Variants in IL1RAPL2 observed in about 807,000 individuals in gnomAD.
IL1RAPL2 encodes the protein X-linked interleukin-1 receptor accessory protein-like 2.
A neutral mutation model predicts 44.1 loss-of-function variants in IL1RAPL2; 3 were observed. The ratio of observed to expected loss-of-function variants is 0.07; its 90% CI spans 0.03 to 0.18. The LOEUF (loss-of-function observed/expected upper bound fraction) is 0.18. Among genes scored for constraint, IL1RAPL2 ranks in the 10% least tolerant of loss-of-function variants. The pLI is 1.00. For synonymous variants in IL1RAPL2, 181 were observed against 178.8 expected (o/e 1.01, Z -0.10); for missense variants, 391 against 496.4 (o/e 0.79, Z 2.02).
chrX:105,067,017 G>C (rs1723778189), intron 2 of IL1RAPL2, among the ~76,000 whole-genome samples: 1 of 111,723 alleles, frequency 9.0e-6, no homozygotes, highest in Non-Finnish European at 1.9e-5. Context: ...AATTTGGCAA[G>C]TTTATGTTTC....
intron 5 of IL1RAPL2, among the ~76,000 whole-genome samples, chrX:105,311,641 C>CACACAT (rs1336391727): frequency 9.8e-6 from 1 of 101,526 alleles, no homozygotes; most frequent in Admixed American, 1.1e-4. Flanking sequence ...CACACACACA[C>CACACAT]ATATATATAT....
At chrX:105,462,143 G>A (rs1280146409) in intron 5 of IL1RAPL2, among the ~76,000 whole-genome samples, 2 of 110,729 alleles carry the variant, frequency 1.8e-5, no homozygotes, top group Non-Finnish European at 3.8e-5. Flanking sequence ...TCTCATTACT[G>A]GGCTGCTTAG....
At chrX:105,626,665 G>A (rs1328873763) in intron 6 of IL1RAPL2, among the ~76,000 whole-genome samples, 1 of 111,541 alleles carries the variant, frequency 9.0e-6, no homozygotes, top group East Asian at 2.8e-4. Context: ...GATATATTGT[G>A]TAATGGTGAA....
At chrX:104,645,168 T>A (rs1020223810) in intron 1 of IL1RAPL2, among the ~76,000 whole-genome samples, 5 of 111,842 alleles carry the variant, frequency 4.5e-5, no homozygotes, top group Non-Finnish European at 9.4e-5. Context: ...CTTCGCTACC[T>A]TCTTATTTTG....
chrX:105,739,451 A>C (rs2038478204), intron 7 of IL1RAPL2, among the ~76,000 whole-genome samples: 1 of 101,027 alleles, frequency 9.9e-6, no homozygotes, highest in African/African-American at 3.6e-5. Flanking sequence ...GCACCCACTA[A>C]CTCGTCATCT....
intron 1 of IL1RAPL2, among the ~76,000 whole-genome samples, chrX:104,609,458 C>T (rs763180493): frequency 8.9e-6 from 1 of 111,932 alleles, no homozygotes; most frequent in East Asian, 2.8e-4. Flanking sequence ...CTAACTGGTT[C>T]CATTCTCCTC....
rs1247926538 is a variant in IL1RAPL2 at position 105,540,922 on chromosome X, T to TATATA, written c.772+56541_772+56545dup. Among the ~76,000 whole-genome samples the TATATA allele has an allele frequency of 1.1e-3, 116 of 101,593 alleles. 7 individuals carry two copies. The highest frequency in any genetic ancestry group is 3.9e-3 in the African/African-American group (106 of 26,855). 88.2% of individuals were successfully genotyped at this position (101,593 alleles called of 115,157 possible). ...TAATACATACATATATTATATATGA[T>TATATA]ATATAATATATACATATATTATATA... On this transcript the variant is annotated intron_variant, in intron 6 of 10. Coordinates refer to ENST00000372582, the MANE Select transcript of IL1RAPL2 (RefSeq NM_017416.2).
intron 6 of IL1RAPL2, among the ~76,000 whole-genome samples, chrX:105,535,662 G>A (rs908653813): frequency 1.8e-5 from 2 of 111,905 alleles, no homozygotes; most frequent in African/African-American, 6.5e-5. Context: ...ATAGGCACTA[G>A]ACTGAGTGAA....
chrX:105,472,031 G>A (rs970280742), intron 5 of IL1RAPL2, among the ~76,000 whole-genome samples: 1 of 109,988 alleles, frequency 9.1e-6, no homozygotes, highest in African/African-American at 3.3e-5. Flanking sequence ...GTCCAGACTA[G>A]GGAATAATGG....
At chrX:105,563,390 T>C (rs2036953280) in intron 6 of IL1RAPL2, among the ~76,000 whole-genome samples, 1 of 111,809 alleles carries the variant, frequency 8.9e-6, no homozygotes, top group Non-Finnish European at 1.9e-5. Context: ...CAGGGAGATA[T>C]GCACATTTTC....
At chrX:105,273,103 C>A (rs1383758303) in intron 5 of IL1RAPL2, among the ~76,000 whole-genome samples, 1 of 111,433 alleles carries the variant, frequency 9.0e-6, no homozygotes, top group Non-Finnish European at 1.9e-5. Flanking sequence ...TCTAAGCCAG[C>A]AACTCCATAA....
chrX:104,630,806 G>A (rs1929627219), intron 1 of IL1RAPL2, among the ~76,000 whole-genome samples: 1 of 105,949 alleles, frequency 9.4e-6, no homozygotes, highest in Admixed American at 1.0e-4. Flanking sequence ...TGTTTCATTT[G>A]TTTGTCTCAT....
At chrX:105,102,045 G>GGA (rs902984187) in intron 2 of IL1RAPL2, among the ~76,000 whole-genome samples, 17 of 111,837 alleles carry the variant, frequency 1.5e-4, no homozygotes, top group African/African-American at 5.5e-4. Context: ...TGTGGAGTGT[G>GGA]GAGAGAGACA....
At chrX:104,618,595 T>C (rs73523305) in intron 1 of IL1RAPL2, among the ~76,000 whole-genome samples, 18,149 of 110,592 alleles carry the variant, frequency 0.16, 3,747 homozygotes, top group African/African-American at 0.57. Context: ...CCTGCACCAA[T>C]ATTTCTGCAA....
At chrX:105,532,264 C>G (rs898487540) in intron 6 of IL1RAPL2, among the ~76,000 whole-genome samples, 1 of 111,631 alleles carries the variant, frequency 9.0e-6, no homozygotes, top group African/African-American at 3.3e-5. Context: ...ATTTGTTTCT[C>G]TCTTCCTGCA....
intron 2 of IL1RAPL2, among the ~76,000 whole-genome samples, chrX:104,686,342 C>T (rs1392460888): frequency 8.9e-6 from 1 of 112,069 alleles, no homozygotes; most frequent in Non-Finnish European, 1.9e-5. Flanking sequence ...ACCGAGTGTA[C>T]ATACAAATAC....
intron 6 of IL1RAPL2, among the ~76,000 whole-genome samples, chrX:105,614,321 A>G (rs1022463387): frequency 8.9e-6 from 1 of 112,356 alleles, no homozygotes; most frequent in African/African-American, 3.2e-5. Context: ...ACAGAAATAG[A>G]AAAGAAAATT....
intron 2 of IL1RAPL2, among the ~76,000 whole-genome samples, chrX:104,733,006 C>A (rs1931949945): frequency 9.0e-6 from 1 of 110,906 alleles, no homozygotes; most frequent in South Asian, 3.7e-4. Context: ...CTTTGATAAC[C>A]TTAAAGAAAA....
chrX:104,636,620 G>C (rs752741559), intron 1 of IL1RAPL2, among the ~76,000 whole-genome samples: 1 of 111,953 alleles, frequency 8.9e-6, no homozygotes. Context: ...GTGAGGCTTC[G>C]TGGGCGTAGG....
Sources: gnomAD v4.1 joint callset for allele counts (sites outside exome capture counted in the v4.1 genomes callset) on GRCh38, gnomAD v4.1.1 for gene constraint, MANE v1.5 for transcripts, NCBI Gene and HGNC (gene_info 2026-07-23, HGNC 2026-07-21) for gene names.